NRXN1: variants seen among roughly 807,000 people sequenced by gnomAD.
NRXN1 encodes the protein neurexin 1, also known as neurexin-1.
NRXN1 carries 39 observed loss-of-function variants against 150.9 expected under a neutral mutation model. The observed-to-expected ratio is 0.26, with a 90% CI of 0.20 to 0.34. NRXN1 has a LOEUF of 0.34. NRXN1 is among the 10% of genes least tolerant of loss of function. The probability of loss-of-function intolerance (pLI) is 1.00; values close to 1 mark genes in which losing one functional copy is unlikely to be tolerated. For missense variants in NRXN1, 1,815 were observed against 1,949.9 expected (o/e 0.93, Z 1.30); for synonymous variants, 924 against 757.0 (o/e 1.22, Z -3.62).
chr2:50,131,482 G>A (rs1178640882), intron 18 of NRXN1, among the ~76,000 whole-genome samples: 1 of 152,172 alleles, frequency 6.6e-6, no homozygotes, highest in Non-Finnish European at 1.5e-5. Context: ...CTGTCATTAA[G>A]ATGCGAATGA....
At chr2:50,510,151 A>G (rs1427327240) in intron 12 of NRXN1, among the ~76,000 whole-genome samples, 1 of 152,168 alleles carries the variant, frequency 6.6e-6, no homozygotes, top group Non-Finnish European at 1.5e-5. Context: ...GTAACAGCCC[A>G]AGAAGACTAA....
At chr2:50,368,502 G>C (rs1572703968) in intron 17 of NRXN1, among the ~76,000 whole-genome samples, 1 of 151,918 alleles carries the variant, frequency 6.6e-6, no homozygotes, top group East Asian at 1.9e-4. Flanking sequence ...CTAGTATCCA[G>C]ATCATGAGAG....
At chr2:50,466,221 A>T (rs1414745077) in intron 16 of NRXN1, among the ~76,000 whole-genome samples, 1 of 151,806 alleles carries the variant, frequency 6.6e-6, no homozygotes, top group African/African-American at 2.4e-5. Flanking sequence ...AAAAACAAAG[A>T]ACTAAAAAAA....
rs553471701 is a variant in NRXN1 at position 50,285,664 on chromosome 2, A to C, written c.3365-48694T>G. On this transcript the variant is annotated intron_variant, in intron 17 of 22. Coordinates refer to ENST00000401669, the MANE Select transcript of NRXN1 (RefSeq NM_001330078.2). ...CTGTTGTATAGATTGTAAAATGGTC[A>C]GATGAGAAGTATATATTTTTTAGAT... is the stretch of plus-strand genomic sequence containing the variant. Among the ~76,000 whole-genome samples, 8 of 152,330 alleles carry C rather than the reference A, an allele frequency of 5.3e-5. No homozygotes were observed. The East Asian group carries it at 1.5e-3, about 29-fold the overall frequency.
chr2:50,119,239 G>C (rs1233916798), intron 18 of NRXN1, among the ~76,000 whole-genome samples: 1 of 151,976 alleles, frequency 6.6e-6, no homozygotes, highest in Non-Finnish European at 1.5e-5. Context: ...TGGAAGGCTA[G>C]GTATATTGAA....
chr2:50,411,565 C>A (rs955946652), intron 17 of NRXN1, among the ~76,000 whole-genome samples: 11 of 151,984 alleles, frequency 7.2e-5, no homozygotes, highest in African/African-American at 2.4e-4. Context: ...GGCTGCGACC[C>A]CGTCTGGGAA....
At chr2:50,779,944 C>T (rs905238910) in intron 5 of NRXN1, among the ~76,000 whole-genome samples, 1 of 152,172 alleles carries the variant, frequency 6.6e-6, no homozygotes, top group Non-Finnish European at 1.5e-5. Context: ...AACCACCACA[C>T]TGTCTTCCAC....
chr2:50,978,244 G>C (rs1006075570), intron 2 of NRXN1, among the ~76,000 whole-genome samples: 1 of 127,606 alleles, frequency 7.8e-6, no homozygotes, highest in East Asian at 2.3e-4. Flanking sequence ...TTCTTCCAGA[G>C]ACCATACTCT....
At chr2:50,896,846 CA>C (rs11303142) in intron 5 of NRXN1, among the ~76,000 whole-genome samples, 18,256 of 128,098 alleles carry the variant, frequency 0.14, 1,198 homozygotes, top group Non-Finnish European at 0.17. Context: ...GATTCTGTCT[CA>C]AAAAAAAAAA....
chr2:50,460,773 G>GT (rs1391834918), intron 17 of NRXN1, among the ~76,000 whole-genome samples: 2 of 151,920 alleles, frequency 1.3e-5, no homozygotes, highest in South Asian at 2.1e-4. Context: ...TTTCCCCATA[G>GT]TTTTTTTAAG....
At chr2:50,377,999 C>G (rs1018662478) in intron 17 of NRXN1, among the ~76,000 whole-genome samples, 1 of 152,164 alleles carries the variant, frequency 6.6e-6, no homozygotes, top group Non-Finnish European at 1.5e-5. Context: ...ATCTAGCTCT[C>G]TGACTCTAGG....
chr2:50,463,180 C>A (rs978473901), intron 17 of NRXN1, among the ~76,000 whole-genome samples: 2 of 151,758 alleles, frequency 1.3e-5, no homozygotes, highest in African/African-American at 2.4e-5. Flanking sequence ...TAGAGAAAAA[C>A]AGTGAGATGT....
At chr2:50,882,296 T>C (rs1043650239) in intron 5 of NRXN1, among the ~76,000 whole-genome samples, 2 of 151,894 alleles carry the variant, frequency 1.3e-5, no homozygotes, top group African/African-American at 2.4e-5. Flanking sequence ...ATCGTTACAT[T>C]TGTTTTTCCA....
chr2:50,349,752 T>C (rs1459869131), intron 17 of NRXN1, among the ~76,000 whole-genome samples: 2 of 152,228 alleles, frequency 1.3e-5, no homozygotes, highest in African/African-American at 4.8e-5. Context: ...GAAGGCGTTA[T>C]GTCTCTTCTC....
intron 17 of NRXN1, among the ~76,000 whole-genome samples, chr2:50,263,253 T>C (rs1460519512): frequency 6.6e-6 from 1 of 151,542 alleles, no homozygotes; most frequent in African/African-American, 2.4e-5. Context: ...GAGGAACACA[T>C]AGGTGTTCCT....
At chr2:50,552,172 A>C (rs1051198434) in intron 9 of NRXN1, among the ~76,000 whole-genome samples, 13 of 152,282 alleles carry the variant, frequency 8.5e-5, no homozygotes, top group African/African-American at 2.9e-4. Context: ...CAAACTAAGG[A>C]TTTTATGTTT....
chr2:50,148,996 G>C (rs1420503406), intron 18 of NRXN1, among the ~76,000 whole-genome samples: 1 of 151,688 alleles, frequency 6.6e-6, no homozygotes, highest in Non-Finnish European at 1.5e-5. Flanking sequence ...TATTTGCCAG[G>C]TTCATATTAA....
intron 5 of NRXN1, among the ~76,000 whole-genome samples, chr2:50,754,498 A>G (rs896776950): frequency 1.3e-5 from 2 of 151,820 alleles, no homozygotes; most frequent in African/African-American, 4.8e-5. Context: ...TATCAGTAAA[A>G]TTTCCTTAGT....
intron 5 of NRXN1, chr2:50,656,457 T>C: frequency 1.3e-6 from 1 of 750,448 alleles, no homozygotes; most frequent in East Asian, 2.5e-5. Flanking sequence ...TCTAGATTCT[T>C]TTCAGTTTTT....
Sources: allele counts gnomAD v4.1 joint callset (sites outside exome capture counted in the v4.1 genomes callset), GRCh38; gene constraint gnomAD v4.1.1; transcripts MANE v1.5; gene names NCBI Gene and HGNC (gene_info 2026-07-23, HGNC 2026-07-21).